TRIQK: variants seen among roughly 807,000 people sequenced by gnomAD.
TRIQK encodes the protein triple QxxK/R motif containing.
In TRIQK, 10 loss-of-function variants were observed where a neutral mutation model predicts 10.8. The observed-to-expected ratio is 0.92, with a 90% CI of 0.57 to 1.57. TRIQK has a LOEUF of 1.57. TRIQK is among the 40% of genes most tolerant of loss of function. The probability of loss-of-function intolerance (pLI) is 0.00; values close to 1 mark genes in which losing one functional copy is unlikely to be tolerated. For missense variants in TRIQK, 107 were observed against 97.7 expected (o/e 1.09, Z -0.40); for synonymous variants, 33 against 33.7 (o/e 0.98, Z 0.07).
intron 1 of TRIQK, among the ~76,000 whole-genome samples, chr8:93,008,867 C>A (rs187124255): frequency 3.3e-5 from 5 of 152,152 alleles, no homozygotes; most frequent in African/African-American, 4.8e-5. Flanking sequence ...ATGCTTGGAA[C>A]CATGAAGCTA....
intron 1 of TRIQK, among the ~76,000 whole-genome samples, chr8:92,993,745 G>A (rs1813122324): frequency 6.6e-6 from 1 of 152,216 alleles, no homozygotes; most frequent in Admixed American, 6.5e-5. Context: ...GTCTGCAAGA[G>A]TTAGGATCAG....
Position 92,886,385 on chromosome 8 carries a change from TAGGGTGG to T in TRIQK, c.*230_*236del, listed in dbSNP as rs1816477940. 1 of 279,032 alleles carries T rather than the reference TAGGGTGG, an allele frequency of 3.6e-6. No individual in the cohort carries two copies. Among genetic ancestry groups the T allele is most frequent in the Non-Finnish European group, 6.7e-6 (1 of 149,208 alleles). 17.3% of individuals were successfully genotyped at this position (279,032 alleles called of 1,614,324 possible). A position where few individuals can be genotyped will look rare whatever the true frequency, so the allele number is the denominator to read the frequency against. ...CCATTTCATCTAAATGTACCATGTA[TAGGGTGG>T]CTGTCAAAGCAGAAAGATATATAAA... On this transcript the variant is annotated 3_prime_UTR_variant, in exon 5 of 5. Coordinates refer to ENST00000521988, the MANE Select transcript of TRIQK (RefSeq NM_001171797.2).
intron 3 of TRIQK, among the ~76,000 whole-genome samples, chr8:92,896,484 A>C (rs1309289556): frequency 6.6e-6 from 1 of 152,176 alleles, no homozygotes; most frequent in Non-Finnish European, 1.5e-5. Context: ...TCAGAGACTC[A>C]AGAATTATAG....
At chr8:92,926,105 A>G (rs1810436310) in intron 2 of TRIQK, among the ~76,000 whole-genome samples, 1 of 152,056 alleles carries the variant, frequency 6.6e-6, no homozygotes, top group Non-Finnish European at 1.5e-5. Flanking sequence ...AGCAGCCCCA[A>G]TATTGATCAA....
At chr8:92,913,761 C>G (rs1482657896) in intron 3 of TRIQK, among the ~76,000 whole-genome samples, 9 of 152,146 alleles carry the variant, frequency 5.9e-5, no homozygotes, top group Admixed American at 4.6e-4. Context: ...AAATGTGGCA[C>G]ATATACACCA....
At chr8:93,007,966 A>C (rs573281527) in intron 1 of TRIQK, among the ~76,000 whole-genome samples, 2 of 152,250 alleles carry the variant, frequency 1.3e-5, no homozygotes, top group Non-Finnish European at 2.9e-5. Flanking sequence ...GGCCATAAAA[A>C]GAAACGAGAC....
At chr8:92,905,017 T>G (rs1208973839) in intron 3 of TRIQK, among the ~76,000 whole-genome samples, 1 of 152,162 alleles carries the variant, frequency 6.6e-6, no homozygotes, top group Non-Finnish European at 1.5e-5. Context: ...CACTCACAAC[T>G]TGATTATTAC....
intron 1 of TRIQK, among the ~76,000 whole-genome samples, chr8:92,996,133 T>C (rs1237019194): frequency 6.6e-6 from 1 of 152,100 alleles, no homozygotes; most frequent in African/African-American, 2.4e-5. Context: ...TTAATTAAAA[T>C]ATTTCAATGA....
chr8:93,015,835 C>T (rs1050516481), intron 1 of TRIQK, among the ~76,000 whole-genome samples: 1 of 151,986 alleles, frequency 6.6e-6, no homozygotes, highest in East Asian at 1.9e-4. Context: ...ATTATGGGGC[C>T]TGTACTTTTC....
chr8:92,956,041 C>A (rs1812155522), intron 1 of TRIQK, among the ~76,000 whole-genome samples: 1 of 151,854 alleles, frequency 6.6e-6, no homozygotes, highest in South Asian at 2.1e-4. Context: ...ACGTGACCAG[C>A]AATTTTAGTC....
chr8:92,964,270 G>A (rs1812614993), intron 1 of TRIQK, among the ~76,000 whole-genome samples: 1 of 152,022 alleles, frequency 6.6e-6, no homozygotes, highest in Non-Finnish European at 1.5e-5. Context: ...AGGCAAGTGG[G>A]AGAGAATAAT....
chr8:93,004,630 T>A (rs1813249701), intron 1 of TRIQK, among the ~76,000 whole-genome samples: 2 of 152,238 alleles, frequency 1.3e-5, no homozygotes, highest in African/African-American at 4.8e-5. Flanking sequence ...CTTCTTCCCT[T>A]TTCAATATAA....
At chr8:92,992,387 A>G (rs773868571) in intron 1 of TRIQK, among the ~76,000 whole-genome samples, 11 of 152,218 alleles carry the variant, frequency 7.2e-5, no homozygotes, top group Non-Finnish European at 1.6e-4. Context: ...TGTACTAGTA[A>G]CAAACAATAT....
chr8:92,927,169 G>A (rs1363861127), intron 2 of TRIQK, among the ~76,000 whole-genome samples: 1 of 152,052 alleles, frequency 6.6e-6, no homozygotes, highest in Non-Finnish European at 1.5e-5. Flanking sequence ...CTATCTGATT[G>A]CAAATAATAT....
intron 1 of TRIQK, chr8:92,973,768 C>G (rs1405416794): frequency 5.9e-5 from 9 of 152,172 alleles, no homozygotes; most frequent in Non-Finnish European, 1.3e-4. Context: ...TTGAGCCGCA[C>G]AGTACATTCC....
intron 1 of TRIQK, chr8:92,960,517 G>A (rs866036129): frequency 6.6e-6 from 1 of 152,116 alleles, no homozygotes; most frequent in Non-Finnish European, 1.5e-5. Context: ...TTGCAGAAGG[G>A]ACTTTGCAGA....
chr8:92,964,727 C>T (rs1187805411), intron 1 of TRIQK, among the ~76,000 whole-genome samples: 2 of 151,802 alleles, frequency 1.3e-5, no homozygotes, highest in Non-Finnish European at 1.5e-5. Flanking sequence ...ATCAATAATG[C>T]TTTACATTTG....
chr8:92,906,951 T>C (rs1809299990), intron 3 of TRIQK, among the ~76,000 whole-genome samples: 1 of 151,744 alleles, frequency 6.6e-6, no homozygotes. Flanking sequence ...TTGATTGGGA[T>C]ATATGTTTGG....
chr8:92,900,302 A>G (rs1265323378), intron 3 of TRIQK, among the ~76,000 whole-genome samples: 3 of 152,118 alleles, frequency 2.0e-5, no homozygotes, highest in African/African-American at 7.2e-5. Context: ...CTTGTGAACT[A>G]TGATTCAAGA....
Sources: gnomAD v4.1 joint callset for allele counts (sites outside exome capture counted in the v4.1 genomes callset) on GRCh38, gnomAD v4.1.1 for gene constraint, MANE v1.5 for transcripts, NCBI Gene and HGNC (gene_info 2026-07-23, HGNC 2026-07-21) for gene names.